The following DMD variants were observed in gnomAD, a reference collection of about 807,000 sequenced individuals.
The protein encoded by DMD is mutant dystrophin.
Under a neutral mutation model 330.1 loss-of-function variants are expected in DMD, and 63 were observed. The observed-to-expected ratio is 0.19, with a 90% CI of 0.16 to 0.24. The LOEUF (loss-of-function observed/expected upper bound fraction) is 0.24. Ranked by LOEUF, DMD falls within the 10% of genes least tolerant of loss-of-function variation. The pLI, the probability that DMD is intolerant of heterozygous loss-of-function variation, is 1.00. For synonymous variants in DMD, 1,223 were observed against 959.8 expected, an observed-to-expected ratio of 1.27 and a Z score of -5.07; for missense variants, 3,344 against 2,684.1, an observed-to-expected ratio of 1.25 and a Z score of -5.43.
intron 17 of DMD, among the ~76,000 whole-genome samples, chrX:32,537,919 T>C (rs2048139616): frequency 8.9e-6 from 1 of 112,222 alleles, no homozygotes; most frequent in South Asian, 3.7e-4. Flanking sequence ...CATCCAAAGA[T>C]ATAGTATCTC....
chrX:32,619,470 T>C (rs1255835050), intron 11 of DMD, among the ~76,000 whole-genome samples: 1 of 111,819 alleles, frequency 8.9e-6, no homozygotes, highest in Non-Finnish European at 1.9e-5. Flanking sequence ...ACCATAAAAA[T>C]GATAAATATG....
At chrX:32,216,851 GAAGTTA>G (rs1249679982) in intron 44 of DMD, 59 bp downstream of exon 44, 3 of 1,021,641 alleles carry the variant, frequency 2.9e-6, no homozygotes, top group Non-Finnish European at 4.1e-6. Context: ...TGATCTTTAA[GAAGTTA>G]AAGAGTCCAG....
intron 8 of DMD, 24 bp from the exon 9 acceptor site, chrX:32,698,022 T>C: frequency 8.5e-7 from 1 of 1,172,986 alleles, no homozygotes; most frequent in Non-Finnish European, 1.1e-6. Context: ...TTTGGGGGAG[T>C]GGATAGAGAG....
chrX:31,192,720 A>C (rs1420145581), intron 67 of DMD, among the ~76,000 whole-genome samples: 2 of 112,278 alleles, frequency 1.8e-5, no homozygotes, highest in African/African-American at 6.5e-5. Flanking sequence ...AGGTTAAGGA[A>C]ACAGCTTAAG....
chrX:32,759,847 G>T (rs868104061), intron 7 of DMD, among the ~76,000 whole-genome samples: 3,318 of 14,508 alleles, frequency 0.23, 184 homozygotes, highest in African/African-American at 0.37. Flanking sequence ...TTTTCTTGGG[G>T]GGGGGGGGGG....
At chrX:32,235,049 G>A (rs2097182456) in intron 43 of DMD, among the ~76,000 whole-genome samples, 3 of 111,588 alleles carry the variant, frequency 2.7e-5, no homozygotes, top group African/African-American at 9.8e-5. Context: ...CGGGTTGGAG[G>A]ATGGTTTCCA....
intron 44 of DMD, among the ~76,000 whole-genome samples, chrX:32,205,319 CATCTT>C (rs1175053459): frequency 1.9e-5 from 2 of 106,876 alleles, no homozygotes; most frequent in African/African-American, 6.9e-5. Flanking sequence ...GAGTTCCTCT[CATCTT>C]GTCATTATCA....
intron 7 of DMD, among the ~76,000 whole-genome samples, chrX:32,728,896 C>A (rs1172720114): frequency 8.9e-6 from 1 of 111,742 alleles, no homozygotes; most frequent in Non-Finnish European, 1.9e-5. Context: ...TTCCATCTTG[C>A]CATGCCAAAC....
At chrX:32,124,664 T>C (rs771651178) in intron 44 of DMD, among the ~76,000 whole-genome samples, 2 of 111,905 alleles carry the variant, frequency 1.8e-5, no homozygotes, top group Admixed American at 1.9e-4. Context: ...CAATATCTAG[T>C]GGGTGACACA....
rs73619031 is a variant in DMD at position 32,178,920 on chromosome X, C to T, written c.6438+37996G>A. Among the ~76,000 whole-genome samples, 152 of 95,685 alleles carry T rather than the reference C, an allele frequency of 1.6e-3. 2 individuals are homozygous for T. The highest frequency in any genetic ancestry group is 5.5e-3 in the African/African-American group (140 of 25,263). The allele number at this position is 95,685 out of a possible 115,157, so 83.1% of individuals were successfully genotyped here. ...AAACTGTTTTCTACATATTCTTAGC[C>T]CTTCCATAGAAACCCCAGATTCTCT... On this transcript the variant is annotated intron_variant, in intron 44 of 78. Transcript: ENST00000357033.
chrX:32,282,284 C>T (rs887694682), intron 43 of DMD, among the ~76,000 whole-genome samples: 30 of 111,631 alleles, frequency 2.7e-4, no homozygotes, highest in Admixed American at 1.0e-3. Context: ...AAGAAAAGAG[C>T]TTTGTTTCTC....
intron 2 of DMD, among the ~76,000 whole-genome samples, chrX:33,008,860 A>C: frequency 1.0e-5 from 1 of 96,491 alleles, no homozygotes; most frequent in South Asian, 5.0e-4. Context: ...ATACGTGTAT[A>C]TATACACATA....
chrX:32,057,606 A>G (rs1054708157), intron 44 of DMD, among the ~76,000 whole-genome samples: 1 of 112,082 alleles, frequency 8.9e-6, no homozygotes, highest in Non-Finnish European at 1.9e-5. Flanking sequence ...GTTGAAAGAA[A>G]TTGAAGATGA....
chrX:32,336,890 A>T (rs2097718211), intron 41 of DMD, among the ~76,000 whole-genome samples: 1 of 111,861 alleles, frequency 8.9e-6, no homozygotes, highest in African/African-American at 3.2e-5. Flanking sequence ...AAGAGCAAAA[A>T]GGGAGACAAA....
intron 13 of DMD, among the ~76,000 whole-genome samples, chrX:32,589,536 A>C (rs2054658365): frequency 9.0e-6 from 1 of 111,064 alleles, no homozygotes; most frequent in African/African-American, 3.3e-5. Flanking sequence ...ATACACATTT[A>C]TACATATATT....
At chrX:31,651,436 A>C (rs1208979632) in intron 54 of DMD, among the ~76,000 whole-genome samples, 1 of 111,541 alleles carries the variant, frequency 9.0e-6, no homozygotes, top group Non-Finnish European at 1.9e-5. Flanking sequence ...CAACATTTAA[A>C]ATTGCATTGA....
chrX:32,485,110 G>C lies in DMD; in HGVS notation c.2623-11C>G, dbSNP rs1028360. On this transcript the variant is annotated splice_polypyrimidine_tract_variant and intron_variant, in intron 20 of 78. Coordinates refer to ENST00000357033, the MANE Select transcript of DMD (RefSeq NM_004006.3). Reference sequence around the variant, plus strand: ...CCGGTTGACTTCATCCTGTGCCATAGAGTATGGAAAGTAAGTAACACGTTT... The same window carrying C: ...CCGGTTGACTTCATCCTGTGCCATACAGTATGGAAAGTAAGTAACACGTTT... 4.7e-3 allele frequency: 5,665 copies of C among 1,202,199 alleles called. 157 individuals are homozygous for C. The African/African-American group carries it at 0.082, about 17-fold the overall frequency.
intron 1 of DMD, among the ~76,000 whole-genome samples, chrX:33,170,605 ATCATT>A (rs1243594338): frequency 9.0e-6 from 1 of 111,713 alleles, no homozygotes; most frequent in Non-Finnish European, 1.9e-5. Flanking sequence ...CCCAAATACT[ATCATT>A]TCAAGATGCA....
chrX:32,662,584 G>A (rs937563344), intron 9 of DMD, among the ~76,000 whole-genome samples: 3 of 111,497 alleles, frequency 2.7e-5, no homozygotes, highest in African/African-American at 9.8e-5. Flanking sequence ...GGGTTGTTCC[G>A]TATAGTTGGC....
Sources: gnomAD v4.1 joint callset for allele counts (sites outside exome capture counted in the v4.1 genomes callset) on GRCh38, gnomAD v4.1.1 for gene constraint, MANE v1.5 for transcripts, NCBI Gene and HGNC (gene_info 2026-07-23, HGNC 2026-07-21) for gene names.